The following ACSM3 variants were observed in gnomAD, a reference collection of about 807,000 sequenced individuals.
The protein encoded by ACSM3 is acyl-CoA synthetase medium chain family member 3.
A neutral mutation model predicts 74.1 loss-of-function variants in ACSM3; 61 were observed. The observed-to-expected ratio is 0.82, with a 90% confidence interval of 0.67 to 1.02. The LOEUF is 1.02. Among genes scored for constraint, ACSM3 ranks in the 50% least tolerant of loss-of-function variants. The pLI is 0.00. For missense variants in ACSM3, 660 were observed against 697.0 expected (o/e 0.95, Z 0.60); for synonymous variants, 213 against 241.5 (o/e 0.88, Z 1.09).
chr16:20,741,810 C>T (rs1341255010), intron 1 of ACSM3: 1 of 1,543,110 alleles, frequency 6.5e-7, no homozygotes, highest in East Asian at 2.4e-5. Flanking sequence ...ATCGCCGGCG[C>T]GAACTGGTGA....
At chr16:20,782,911 C>T (rs1443828409) in intron 7 of ACSM3, among the ~76,000 whole-genome samples, 1 of 152,252 alleles carries the variant, frequency 6.6e-6, no homozygotes, top group African/African-American at 2.4e-5. Flanking sequence ...GCAGCAGCTT[C>T]TATCCCTGTG....
chr16:20,692,619 G>A (rs1384489484), intron 1 of ACSM3, among the ~76,000 whole-genome samples: 1 of 152,186 alleles, frequency 6.6e-6, no homozygotes, highest in Non-Finnish European at 1.5e-5. Flanking sequence ...GGGAAGGAAG[G>A]AAAGAAAACA....
At chr16:20,749,159 T>C (rs1435288914) in intron 1 of ACSM3, 2 of 152,166 alleles carry the variant, frequency 1.3e-5, no homozygotes, top group East Asian at 1.9e-4. Context: ...TATGTGCACA[T>C]AGATATACAC....
intron 1 of ACSM3, among the ~76,000 whole-genome samples, chr16:20,724,870 G>C (rs1278996537): frequency 6.6e-6 from 1 of 152,024 alleles, no homozygotes; most frequent in Middle Eastern, 3.2e-3. Context: ...CACTGCTCAA[G>C]GAAATAAAAG....
chr16:20,783,877 G>A (rs968135691), intron 7 of ACSM3, among the ~76,000 whole-genome samples: 16 of 150,980 alleles, frequency 1.1e-4, no homozygotes, highest in South Asian at 2.1e-4. Context: ...GCACAATCTC[G>A]GCTCACTGCA....
chr16:20,690,994 T>C, intron 1 of ACSM3: 1 of 1,608,208 alleles, frequency 6.2e-7, no homozygotes, highest in Non-Finnish European at 8.5e-7. Context: ...GCAGATCTCT[T>C]ACCTTCTCCT....
intron 1 of ACSM3, among the ~76,000 whole-genome samples, chr16:20,693,369 C>T (rs960742022): frequency 2.0e-5 from 3 of 152,080 alleles, no homozygotes; most frequent in African/African-American, 7.2e-5. Context: ...ACAGCAGGAA[C>T]CTCCTTTATT....
At chr16:20,786,279 C>A in intron 9 of ACSM3, 121 bp downstream of exon 9, 2 of 1,437,802 alleles carry the variant, frequency 1.4e-6, no homozygotes, top group Non-Finnish European at 1.8e-6. Context: ...TTCCATGATA[C>A]TTTAATTTTT....
chr16:20,789,364 GC>G (rs2080542965), intron 9 of ACSM3: 3 of 779,572 alleles, frequency 3.8e-6, no homozygotes, highest in Non-Finnish European at 6.6e-6. Flanking sequence ...TAAAGGTTTA[GC>G]ATTAATTACT....
intron 1 of ACSM3, among the ~76,000 whole-genome samples, chr16:20,692,024 T>G (rs1395664963): frequency 6.6e-6 from 1 of 152,128 alleles, no homozygotes; most frequent in Non-Finnish European, 1.5e-5. Context: ...CCCTGTCTTG[T>G]TAATATTCTC....
intron 1 of ACSM3, among the ~76,000 whole-genome samples, chr16:20,718,014 GAAGAAGAAGAAGAAA>G (rs2079771223): frequency 6.8e-6 from 1 of 146,286 alleles, no homozygotes; most frequent in African/African-American, 2.6e-5. Context: ...AGAAGAAGAA[GAAGAAGAAGAAGAAA>G]AGAAAGAAGA....
chr16:20,742,813 A>ATTT (rs372677216), intron 1 of ACSM3, among the ~76,000 whole-genome samples: 7 of 66,818 alleles, frequency 1.0e-4, no homozygotes, highest in Admixed American at 1.3e-4. Context: ...ATATATATAT[A>ATTT]TTTTTTTTTT....
chr16:20,796,164 G>A (rs1309808314), intron 12 of ACSM3: 2 of 765,778 alleles, frequency 2.6e-6, no homozygotes, highest in African/African-American at 1.8e-5. Flanking sequence ...ATGAGGCTGG[G>A]TTGTTACAGG....
intron 1 of ACSM3, chr16:20,733,665 T>C (rs1345165841): frequency 6.6e-6 from 1 of 151,944 alleles, no homozygotes; most frequent in African/African-American, 2.4e-5. Flanking sequence ...GAACACCAAT[T>C]TTTAGGGAAC....
intron 9 of ACSM3, among the ~76,000 whole-genome samples, chr16:20,789,912 G>A (rs2080559452): frequency 1.3e-5 from 2 of 151,576 alleles, no homozygotes; most frequent in African/African-American, 4.8e-5. Flanking sequence ...GACCTCAGGC[G>A]ATCCACCCGC....
intron 1 of ACSM3, among the ~76,000 whole-genome samples, chr16:20,712,408 T>C (rs1375863737): frequency 6.6e-6 from 1 of 152,202 alleles, no homozygotes; most frequent in Non-Finnish European, 1.5e-5. Flanking sequence ...GCTTAATATT[T>C]ACTGAATGAA....
intron 2 of ACSM3, chr16:20,755,486 A>C (rs2152437126): frequency 6.6e-6 from 1 of 152,218 alleles, no homozygotes; most frequent in South Asian, 2.1e-4. Flanking sequence ...AATGAAAATA[A>C]ATATTAGAAC....
intron 3 of ACSM3, among the ~76,000 whole-genome samples, chr16:20,757,397 A>G (rs970225846): frequency 7.2e-4 from 110 of 151,780 alleles, no homozygotes; most frequent in African/African-American, 2.6e-3. Context: ...CTTTGAAGCA[A>G]TTGTGAATGG....
intron 1 of ACSM3, among the ~76,000 whole-genome samples, chr16:20,726,524 T>G (rs1483024437): frequency 2.6e-5 from 4 of 152,256 alleles, no homozygotes; most frequent in Non-Finnish European, 5.9e-5. Context: ...TCAGGGACTA[T>G]TCAACGATTA....
Sources: allele counts gnomAD v4.1 joint callset (sites outside exome capture counted in the v4.1 genomes callset), GRCh38; gene constraint gnomAD v4.1.1; transcripts MANE v1.5; gene names NCBI Gene and HGNC (gene_info 2026-07-23, HGNC 2026-07-21).